The following PSG1 variants were observed in gnomAD, a reference collection of about 807,000 sequenced individuals.
PSG1 encodes the protein pregnancy specific beta-1-glycoprotein 1, also known as pregnancy-specific beta-1-glycoprotein 1.
Under a neutral mutation model 41.4 loss-of-function variants are expected in PSG1, and 60 were observed. The ratio of observed to expected loss-of-function variants is 1.45; its 90% CI spans 1.18 to 1.80. The LOEUF (loss-of-function observed/expected upper bound fraction) is 1.80, where lower values mean the gene tolerates loss of function less well. Ranked by LOEUF, PSG1 falls within the 40% of genes most tolerant of loss-of-function variation. PSG1 has a pLI of 0.00. For synonymous variants in PSG1, 256 were observed against 192.9 expected, an observed-to-expected ratio of 1.33 and a Z score of -2.71; for missense variants, 806 against 516.9, an observed-to-expected ratio of 1.56 and a Z score of -5.42.
intron 3 of PSG1, chr19:42,870,033 G>A (rs1294297235): frequency 1.3e-5 from 2 of 151,600 alleles, no homozygotes; most frequent in Non-Finnish European, 2.9e-5. Flanking sequence ...TCATGTAAGT[G>A]GATTCCAGAG....
At chr19:42,873,200 C>A (rs1971466539) in intron 2 of PSG1, among the ~76,000 whole-genome samples, 2 of 151,674 alleles carry the variant, frequency 1.3e-5, no homozygotes, top group Admixed American at 1.3e-4. Context: ...TAAAGTGCTC[C>A]TTATGCAGAA....
chr19:42,872,071 G>C (rs776073211), intron 2 of PSG1, 26 bp from the exon 3 acceptor site: 2 of 1,595,816 alleles, frequency 1.3e-6, no homozygotes, highest in Non-Finnish European at 8.5e-7. Flanking sequence ...GGTGAAGATT[G>C]CCGTGTGTGG....
Position 42,877,385 on chromosome 19 carries a change from A to T in PSG1, c.430+528T>A, listed in dbSNP as rs1037142946. Among the ~76,000 whole-genome samples, 28 of 151,552 alleles carry T rather than the reference A, an allele frequency of 1.8e-4. 1 individual carries two copies. The highest frequency in any genetic ancestry group is 3.5e-4 in the Non-Finnish European group (24 of 67,882). On this transcript the variant is annotated intron_variant, in intron 2 of 5. Coordinates refer to ENST00000436291, the MANE Select transcript of PSG1 (RefSeq NM_001184825.2). ...TCTGAGGGCTGAGCCCTGGCTGGTG[A>T]ACAGCTCCAGGAGACACAGTCCTCT...
chr19:42,868,446 C>G (rs1162527350), intron 4 of PSG1, 91 bp from the exon 5 acceptor site: 87 of 1,482,114 alleles, frequency 5.9e-5, no homozygotes, highest in Non-Finnish European at 7.7e-5. Flanking sequence ...CCCTCTGAGC[C>G]AAGACACACC....
chr19:42,868,506 G>C (rs1474233954), intron 4 of PSG1, 151 bp from the exon 5 acceptor site: 1 of 1,482,384 alleles, frequency 6.7e-7, no homozygotes, highest in Non-Finnish European at 9.0e-7. Flanking sequence ...GAATCCTGAG[G>C]TATTCCCCTG....
Position 42,877,990 on chromosome 19 carries a change from C to A in PSG1, c.353G>T (p.Gly118Val), listed in dbSNP as rs773051536. The change falls in exon 2 of 6, where the codon GGA (glycine) becomes GTA (valine). Residue 118 changes from glycine to valine, a missense_variant. Transcript: ENST00000436291. The stretch of plus-strand genomic sequence containing the variant: ...CTTTATGATGTGTAAGGTGTAGGAT[C>A]CTGCGTCCTCCCGGGTGACATTCTG... ...LIQNVTREDA[G>V]SYTLHIIKGD... 5 of 1,612,320 alleles carry A rather than the reference C, an allele frequency of 3.1e-6. No individual in the cohort carries two copies. The highest frequency in any genetic ancestry group is 2.2e-5 in the East Asian group (1 of 44,814).
intron 3 of PSG1, among the ~76,000 whole-genome samples, chr19:42,871,040 G>T (rs923113358): frequency 2.0e-5 from 3 of 151,526 alleles, no homozygotes; most frequent in Admixed American, 1.3e-4. Flanking sequence ...AGGGCAGGTG[G>T]CTCTTCCCTG....
chr19:42,870,319 T>C (rs562150460), intron 3 of PSG1: 10 of 151,876 alleles, frequency 6.6e-5, no homozygotes, highest in Non-Finnish European at 1.3e-4. Flanking sequence ...TCTAAAATGC[T>C]CCAGTGAGCA....
At chr19:42,873,323 C>G (rs565448998) in intron 2 of PSG1, among the ~76,000 whole-genome samples, 29 of 151,752 alleles carry the variant, frequency 1.9e-4, no homozygotes, top group African/African-American at 6.8e-4. Context: ...CACAATGCGC[C>G]AGTGAGCACT....
intron 2 of PSG1, among the ~76,000 whole-genome samples, chr19:42,877,277 G>A (rs574257783): frequency 6.6e-6 from 1 of 151,582 alleles, no homozygotes; most frequent in Non-Finnish European, 1.5e-5. Flanking sequence ...AGGCAGTTGG[G>A]TGATGGCCTA....
chr19:42,868,947 C>T lies in PSG1; in HGVS notation c.797G>A (p.Ser266Asn), dbSNP rs368687794. 10 of 1,610,416 alleles carry T rather than the reference C, an allele frequency of 6.2e-6. No homozygotes were observed. The African/African-American group carries it at 9.4e-5, about 15-fold the overall frequency. ...CCACCAAATGTAGGTGTAGTTCTCACTCTTAGGTTCACAGGTGAAGTTTAA... is the reference window on the plus strand; with the variant it reads ...CCACCAAATGTAGGTGTAGTTCTCATTCTTAGGTTCACAGGTGAAGTTTAA... ...DVLNFTCEPK[S>N]ENYTYIWWLN... The change falls in exon 4 of 6, where the codon AGT becomes AAT. Residue 266 changes from serine to asparagine, a missense_variant. Physicochemically the swap from Ser to Asn is conservative, Grantham distance 46. Coordinates refer to ENST00000436291, the MANE Select transcript of PSG1 (RefSeq NM_001184825.2).
intron 2 of PSG1, among the ~76,000 whole-genome samples, chr19:42,872,868 G>A (rs1971453062): frequency 6.6e-6 from 1 of 151,846 alleles, no homozygotes; most frequent in Non-Finnish European, 1.5e-5. Context: ...GAACTGACTG[G>A]TGGAAAGGGC....
rs1420299198 is a variant in PSG1 at position 42,866,752 on chromosome 19, C to G, written c.*382G>C. 2.1e-6 allele frequency: 1 copy of G among 486,102 alleles called. No homozygotes were observed. Among genetic ancestry groups the G allele is most frequent in the African/African-American group, 1.9e-5 (1 of 51,568 alleles). The allele number at this position is 486,102 out of a possible 1,614,324, so 30.1% of individuals were successfully genotyped here. On this transcript the variant is annotated 3_prime_UTR_variant, in exon 6 of 6. Coordinates refer to ENST00000436291, the MANE Select transcript of PSG1 (RefSeq NM_001184825.2). ...AGGTTGAGATGACATATCTGACACTCTGTTGTTACTCTCAGAAGCTACTAC... is the reference window on the plus strand; with the variant it reads ...AGGTTGAGATGACATATCTGACACTGTGTTGTTACTCTCAGAAGCTACTAC...
chr19:42,866,997 A>T lies in PSG1; in HGVS notation c.*137T>A, dbSNP rs375068856. 3.9e-5 allele frequency: 30 copies of T among 764,234 alleles called. 1 individual carries two copies. The highest frequency in any genetic ancestry group is 2.2e-4 in the African/African-American group (13 of 58,984). The allele number at this position is 764,234 out of a possible 1,614,324, so 47.3% of individuals were successfully genotyped here. A position where few individuals can be genotyped will look rare whatever the true frequency, so the allele number is the denominator to read the frequency against. ...TATTTTGGTGAGTTCTGAGTGGCTC[A>T]TGCTTCACGTACAAGGGTTTTCCCA... is the stretch of plus-strand genomic sequence containing the variant. On this transcript the variant is annotated 3_prime_UTR_variant, in exon 6 of 6. Transcript: ENST00000436291.
At position 42,867,638 on chromosome 19, in the gene PSG1, T is replaced by G. The variant is rs891942338; in HGVS notation, c.1243+463A>C. On this transcript the variant is annotated intron_variant, in intron 5 of 5. Coordinates refer to ENST00000436291, the MANE Select transcript of PSG1 (RefSeq NM_001184825.2). ...GCAAATATGTGTATTACCATAAACA[T>G]ATCAATTCTCATGAATAGTTGCCCA... is the stretch of plus-strand genomic sequence containing the variant. The G allele has an allele frequency of 7.0e-5, 52 of 740,284 alleles. 2 individuals carry two copies. Among genetic ancestry groups the G allele is most frequent in the Non-Finnish European group, 1.2e-4 (48 of 407,074 alleles). 45.9% of individuals were successfully genotyped at this position (740,284 alleles called of 1,614,324 possible). A position where few individuals can be genotyped will look rare whatever the true frequency, so the allele number is the denominator to read the frequency against.
chr19:42,868,582 C>G (rs10407700), intron 4 of PSG1, among the ~76,000 whole-genome samples, 174 bp downstream of exon 4: 4,653 of 151,314 alleles, frequency 0.031, 239 homozygotes, highest in African/African-American at 0.11. Flanking sequence ...CCCTTATATT[C>G]TTGGTTAAGG....
intron 3 of PSG1, among the ~76,000 whole-genome samples, chr19:42,870,804 A>T (rs1407219025): frequency 6.6e-6 from 1 of 151,732 alleles, no homozygotes; most frequent in East Asian, 1.9e-4. Context: ...TTTTCAGGGT[A>T]TAATCATTTG....
intron 5 of PSG1, 133 bp from the exon 6 acceptor site, chr19:42,867,283 T>C: frequency 2.9e-6 from 2 of 683,792 alleles, no homozygotes; most frequent in Non-Finnish European, 5.3e-6. Context: ...ATAATTTCAG[T>C]AGAATAAGTT....
At chr19:42,868,404 G>A (rs771618119) in intron 4 of PSG1, 49 bp from the exon 5 acceptor site, 15 of 1,556,026 alleles carry the variant, frequency 9.6e-6, no homozygotes, top group East Asian at 2.3e-5. Context: ...GAGGGAAGGG[G>A]ATGTTCCTGG....
Sources: gnomAD v4.1 joint callset for allele counts (sites outside exome capture counted in the v4.1 genomes callset) on GRCh38, gnomAD v4.1.1 for gene constraint, MANE v1.5 for transcripts, NCBI Gene and HGNC (gene_info 2026-07-23, HGNC 2026-07-21) for gene names.